The following LSAMP variants were observed in gnomAD, a reference collection of about 807,000 sequenced individuals.
LSAMP encodes limbic system-associated membrane protein.
A neutral mutation model predicts 38.6 loss-of-function variants in LSAMP; 7 were observed. The ratio of observed to expected loss-of-function variants is 0.18; its 90% confidence interval spans 0.10 to 0.34. The LOEUF (loss-of-function observed/expected upper bound fraction) is 0.34, where lower values mean the gene tolerates loss of function less well. Among genes scored for constraint, LSAMP ranks in the 10% least tolerant of loss-of-function variants. LSAMP has a pLI of 1.00. For synonymous variants in LSAMP, 154 were observed against 166.8 expected (o/e 0.92, Z 0.59); for missense variants, 313 against 420.0 (o/e 0.75, Z 2.23).
chr3:116,367,753 C>T (rs1333463771), intron 1 of LSAMP, among the ~76,000 whole-genome samples: 2 of 152,072 alleles, frequency 1.3e-5, no homozygotes, highest in African/African-American at 4.8e-5. Flanking sequence ...AGGTAATCCA[C>T]CTGCCTCAGC....
intron 1 of LSAMP, among the ~76,000 whole-genome samples, chr3:116,117,770 G>A (rs1411813719): frequency 6.6e-6 from 1 of 152,110 alleles, no homozygotes; most frequent in Non-Finnish European, 1.5e-5. Context: ...GGAAACCACA[G>A]AGGTAAAGTG....
At chr3:116,274,017 TCTC>T (rs1418976629) in intron 1 of LSAMP, among the ~76,000 whole-genome samples, 1 of 151,758 alleles carries the variant, frequency 6.6e-6, no homozygotes, top group Non-Finnish European at 1.5e-5. Context: ...TTACAGCACT[TCTC>T]CTCTGTGTTC....
chr3:115,903,564 A>G (rs936954160), intron 3 of LSAMP, among the ~76,000 whole-genome samples: 5 of 152,200 alleles, frequency 3.3e-5, no homozygotes, highest in African/African-American at 1.2e-4. Context: ...AGGCATAAAG[A>G]ACCCTCACAG....
At chr3:116,167,434 G>T (rs745666185) in intron 1 of LSAMP, among the ~76,000 whole-genome samples, 4 of 152,312 alleles carry the variant, frequency 2.6e-5, no homozygotes, top group Admixed American at 2.6e-4. Flanking sequence ...GAAAAGATGT[G>T]ACTATGTAAA....
intron 1 of LSAMP, among the ~76,000 whole-genome samples, chr3:116,161,548 C>T (rs538287204): frequency 2.0e-5 from 3 of 152,236 alleles, no homozygotes; most frequent in South Asian, 4.1e-4. Flanking sequence ...AGATCAGGTA[C>T]ATAAGCCTGG....
At chr3:115,819,739 G>A (rs1383051233) in intron 6 of LSAMP, among the ~76,000 whole-genome samples, 7 of 152,194 alleles carry the variant, frequency 4.6e-5, no homozygotes, top group Non-Finnish European at 8.8e-5. Flanking sequence ...CCAGTTAAAT[G>A]TTAAGTACTC....
intron 1 of LSAMP, among the ~76,000 whole-genome samples, chr3:116,350,907 C>T (rs1037721989): frequency 5.9e-5 from 9 of 151,860 alleles, no homozygotes; most frequent in Admixed American, 2.0e-4. Flanking sequence ...ATGATAAGTG[C>T]TTGGTTAAGA....
chr3:116,409,398 T>C (rs1367489560), intron 1 of LSAMP, among the ~76,000 whole-genome samples: 2 of 152,040 alleles, frequency 1.3e-5, no homozygotes, highest in Non-Finnish European at 2.9e-5. Flanking sequence ...CATGATGGGA[T>C]CTGTAGTTTT....
intron 3 of LSAMP, among the ~76,000 whole-genome samples, chr3:115,896,771 T>C (rs761650093): frequency 2.3e-4 from 35 of 152,142 alleles, no homozygotes; most frequent in Admixed American, 5.2e-4. Context: ...TATTTTTACA[T>C]GTGGTCCGCA....
At chr3:115,932,213 G>C (rs975032339) in intron 3 of LSAMP, among the ~76,000 whole-genome samples, 8 of 152,068 alleles carry the variant, frequency 5.3e-5, no homozygotes, top group East Asian at 1.9e-4. Context: ...TACAATGACT[G>C]TTCCCATATT....
At chr3:116,050,915 A>G (rs1941385081) in intron 2 of LSAMP, among the ~76,000 whole-genome samples, 3 of 152,336 alleles carry the variant, frequency 2.0e-5, no homozygotes, top group African/African-American at 7.2e-5. Context: ...TACGGGGCAC[A>G]CCAGAATGCC....
intron 3 of LSAMP, among the ~76,000 whole-genome samples, chr3:115,871,684 G>C (rs10511350): frequency 0.19 from 29,166 of 151,162 alleles, 3,684 homozygotes; most frequent in African/African-American, 0.34. Flanking sequence ...CCTCCTACTC[G>C]TTGACATTTT....
intron 1 of LSAMP, among the ~76,000 whole-genome samples, chr3:116,153,678 A>G (rs1709675245): frequency 6.6e-6 from 1 of 152,040 alleles, no homozygotes; most frequent in East Asian, 1.9e-4. Context: ...TTTACTTAGA[A>G]ATCTTTTAAT....
chr3:116,211,865 A>C (rs1398979664), intron 1 of LSAMP, among the ~76,000 whole-genome samples: 5 of 152,190 alleles, frequency 3.3e-5, no homozygotes, highest in Non-Finnish European at 5.9e-5. Context: ...AGTTTTAGAT[A>C]AAAACAAAAC....
At chr3:115,982,304 G>T (rs1576281211) in intron 3 of LSAMP, among the ~76,000 whole-genome samples, 1 of 152,164 alleles carries the variant, frequency 6.6e-6, no homozygotes, top group Non-Finnish European at 1.5e-5. Flanking sequence ...AAGAAATGTA[G>T]ATGGCATGAC....
At chr3:115,815,946 T>C (rs1231308952) in intron 6 of LSAMP, among the ~76,000 whole-genome samples, 1 of 152,166 alleles carries the variant, frequency 6.6e-6, no homozygotes, top group Non-Finnish European at 1.5e-5. Flanking sequence ...TCTTGATCAC[T>C]GGTGGGATGT....
chr3:116,331,238 A>G (rs931973567), intron 1 of LSAMP, among the ~76,000 whole-genome samples: 2 of 152,214 alleles, frequency 1.3e-5, no homozygotes, highest in African/African-American at 2.4e-5. Flanking sequence ...AAGAAAACAG[A>G]ACAGAACCCA....
chr3:116,099,007 C>T (rs561463575), intron 1 of LSAMP, among the ~76,000 whole-genome samples: 64 of 152,290 alleles, frequency 4.2e-4, no homozygotes, highest in Non-Finnish European at 5.1e-4. Context: ...AAAGCACTAA[C>T]GCTGGTAAGG....
chr3:116,275,555 A>G (rs1054944758), intron 1 of LSAMP, among the ~76,000 whole-genome samples: 4 of 152,184 alleles, frequency 2.6e-5, no homozygotes, highest in Admixed American at 2.0e-4. Context: ...AAAATCACAG[A>G]ATTTCATTGC....
Sources: gnomAD v4.1 joint callset for allele counts (sites outside exome capture counted in the v4.1 genomes callset) on GRCh38, gnomAD v4.1.1 for gene constraint, MANE v1.5 for transcripts, NCBI Gene and HGNC (gene_info 2026-07-23, HGNC 2026-07-21) for gene names.